Variants in IFT140 observed in about 807,000 individuals in gnomAD.
IFT140 encodes intraflagellar transport protein 140 homolog.
In IFT140, 133 loss-of-function variants were observed where a neutral mutation model predicts 164.6. The observed-to-expected ratio is 0.81, with a 90% CI of 0.70 to 0.93. The LOEUF is 0.93. IFT140 is among the 40% of genes least tolerant of loss of function. The pLI, the probability that IFT140 is intolerant of heterozygous loss-of-function variation, is 0.00. For synonymous variants in IFT140, 860 were observed against 817.3 expected (o/e 1.05, Z -0.89); for missense variants, 2,045 against 1,972.3 (o/e 1.04, Z -0.70).
chr16:1,595,233 C>A (rs192408810), intron 4 of IFT140, among the ~76,000 whole-genome samples: 2 of 151,726 alleles, frequency 1.3e-5, no homozygotes, highest in East Asian at 3.9e-4. Flanking sequence ...TGCAGTGAGC[C>A]GAGATGGCGC....
intron 19 of IFT140, among the ~76,000 whole-genome samples, chr16:1,549,097 G>A (rs1160066642): frequency 2.0e-5 from 3 of 152,318 alleles, no homozygotes; most frequent in East Asian, 3.9e-4. Flanking sequence ...CTAGGGCCGC[G>A]CAGGTTCATG....
At position 1,564,016 on chromosome 16, in the gene IFT140, T is replaced by C. The variant is rs757242365; in HGVS notation, c.2048A>G (p.Asp683Gly). The change falls in exon 17 of 31, where the codon GAT becomes GGT. Residue 683 changes from aspartate (D) to glycine (G), a missense_variant. Asp to Gly is a moderately conservative substitution (Grantham distance 94, BLOSUM62 -1). Transcript: ENST00000426508. The surrounding 1 kb of genome is among the most constrained non-coding windows in gnomAD (Gnocchi z 5.5). ...GCGTACCGCAGGGCCAGCGCGCCCA[T>C]CTTGGGGCTGCCCGTTTGCAGACTG... ...QPQSANGQPQDGRAGPAADVL... is the reference protein window; with the variant it reads ...QPQSANGQPQGGRAGPAADVL... 1 of 1,590,576 alleles carries C rather than the reference T, an allele frequency of 6.3e-7. No homozygotes were observed. Among genetic ancestry groups the C allele is most frequent in the Non-Finnish European group, 8.6e-7 (1 of 1,162,360 alleles).
intron 30 of IFT140, among the ~76,000 whole-genome samples, chr16:1,512,465 G>A (rs1297461601): frequency 2.0e-5 from 3 of 152,160 alleles, no homozygotes; most frequent in African/African-American, 7.2e-5. Flanking sequence ...GCGCTTCCCA[G>A]TTTCTTTTTT....
At chr16:1,604,610 G>A (rs551587827) in intron 3 of IFT140, 1 of 152,648 alleles carries the variant, frequency 6.6e-6, no homozygotes, top group Admixed American at 6.5e-5. Context: ...TTCCATCTGT[G>A]ATGCCAAGAC....
intron 18 of IFT140, among the ~76,000 whole-genome samples, chr16:1,561,591 A>G (rs1814549517): frequency 6.6e-6 from 1 of 152,228 alleles, no homozygotes; most frequent in Non-Finnish European, 1.5e-5. Context: ...CCTACAGTGA[A>G]TATAGAAATG....
Position 1,523,916 on chromosome 16 carries a change from A to G in IFT140, c.3182T>C (p.Leu1061Pro), listed in dbSNP as rs750422324. Residue 1061 changes from leucine (L) to proline (P), a missense_variant, in exon 25 of 31, where the codon CTG (leucine) becomes CCG (proline). Transcript: ENST00000426508. ...CTCGATCATGTCCTCGGGGGAGCTC[A>G]GCAGGGCCAAGTTCATGAGCTGGTC... ...LDDQLMNLAL[L>P]SSPEDMIEAA... The G allele has an allele frequency of 2.5e-6, 4 of 1,613,358 alleles. No individual in the cohort carries two copies. The South Asian group carries it at 4.4e-5, about 18-fold the overall frequency.
chr16:1,511,217 C>T, intron 30 of IFT140, 67 bp from the exon 31 acceptor site: 1 of 1,450,296 alleles, frequency 6.9e-7, no homozygotes, highest in Non-Finnish European at 9.5e-7. Flanking sequence ...TGCCTGCAGG[C>T]CAGGCACGTG....
intron 17 of IFT140, among the ~76,000 whole-genome samples, chr16:1,563,649 G>T (rs1419908234): frequency 6.6e-6 from 1 of 152,048 alleles, no homozygotes; most frequent in Non-Finnish European, 1.5e-5. Flanking sequence ...CCTAGCAATG[G>T]CAAATCCATA....
intron 30 of IFT140, among the ~76,000 whole-genome samples, chr16:1,512,110 G>A (rs895221242): frequency 1.6e-4 from 24 of 146,310 alleles, no homozygotes; most frequent in Non-Finnish European, 3.2e-4. Context: ...TGCGGAGGGC[G>A]GGTGAGGGGT....
At position 1,538,071 on chromosome 16, in the gene IFT140, G is replaced by A. The variant is rs150202333; in HGVS notation, c.2400-11275C>T. ...CACACAGGCAGCACCCCAGGAACCC[G>A]TATAACACCCAAGCAGTGAACGCCA... On this transcript the variant is annotated intron_variant, in intron 19 of 30. Transcript: ENST00000426508. 6.9e-3 allele frequency among the ~76,000 whole-genome samples: 1,055 copies of A among 152,282 alleles called. 7 individuals are homozygous for A. The highest frequency in any genetic ancestry group is 0.024 in the African/African-American group (1,003 of 41,544).
intron 30 of IFT140, 68 bp from the exon 31 acceptor site, chr16:1,511,218 C>G: frequency 1.4e-6 from 2 of 1,452,708 alleles, no homozygotes; most frequent in Non-Finnish European, 1.9e-6. Flanking sequence ...GCCTGCAGGC[C>G]AGGCACGTGC....
chr16:1,517,365 A>T (rs1567319707), intron 30 of IFT140, among the ~76,000 whole-genome samples: 1 of 146,340 alleles, frequency 6.8e-6, no homozygotes, highest in African/African-American at 2.6e-5. Flanking sequence ...AAAAAAAAAA[A>T]AAGTACAATA....
Position 1,524,239 on chromosome 16 carries a change from C to A in IFT140, c.3142-283G>T. On this transcript the variant is annotated intron_variant, in intron 24 of 30. Transcript: ENST00000426508. ...GTTGGGACATTTGTGTGGTGCAGAA[C>A]GCCCAACAGCTATCTAGGAAGGGTC... 6.6e-6 allele frequency: 4 copies of A among 603,004 alleles called. No individual in the cohort carries two copies. In the South Asian group the frequency reaches 8.3e-5, roughly 13 times the overall value. 37.4% of individuals were successfully genotyped at this position (603,004 alleles called of 1,614,324 possible). A position where few individuals can be genotyped will look rare whatever the true frequency, so the allele number is the denominator to read the frequency against.
chr16:1,580,935 C>T (rs748585903), intron 12 of IFT140, 85 bp from the exon 13 acceptor site: 5 of 861,848 alleles, frequency 5.8e-6, no homozygotes, highest in Non-Finnish European at 7.8e-6. Context: ...ACACACGATC[C>T]CTAATTAATC....
chr16:1,511,413 G>T (rs935607192), intron 30 of IFT140, among the ~76,000 whole-genome samples: 12 of 152,368 alleles, frequency 7.9e-5, no homozygotes, highest in African/African-American at 2.9e-4. Flanking sequence ...TGCAGAGCCA[G>T]GGCCCTGGAA....
chr16:1,576,141 C>A (rs2034261941), intron 13 of IFT140, among the ~76,000 whole-genome samples: 1 of 151,828 alleles, frequency 6.6e-6, no homozygotes, highest in South Asian at 2.1e-4. Flanking sequence ...CAAAAACTAG[C>A]CAGGTGTGGT....
rs766214145 is a variant in IFT140, at chr16:1,524,592, G to A, written c.3101C>T (p.Thr1034Ile). ...EEVGQAVHFY[T>I]RAQAFKNAIR... The stretch of plus-strand genomic sequence containing the variant: ...GGCATTCTTGAAGGCCTGTGCCCGG[G>A]TGTAGAAGTGCACCGCCTGCCCGAC... Residue 1034 changes from threonine (T) to isoleucine (I), a missense_variant, in exon 24 of 31, where the codon ACC becomes ATC. Thr to Ile is a moderately conservative substitution (Grantham distance 89, BLOSUM62 -1). Transcript: ENST00000426508. 1.9e-6 allele frequency: 3 copies of A among 1,609,026 alleles called. No homozygotes were observed. Among genetic ancestry groups the A allele is most frequent in the Non-Finnish European group, 8.5e-7 (1 of 1,176,846 alleles).
chr16:1,511,208 G>A, intron 30 of IFT140, 58 bp from the exon 31 acceptor site: 1 of 1,479,976 alleles, frequency 6.8e-7, no homozygotes. Flanking sequence ...ACGACCCTCT[G>A]CCTGCAGGCC....
At chr16:1,541,794 A>G (rs1040006557) in intron 19 of IFT140, 20 of 1,176,164 alleles carry the variant, frequency 1.7e-5, no homozygotes, top group Admixed American at 5.0e-5. Context: ...CCACTGCCCA[A>G]TGGAGGCACA....
Sources: allele counts gnomAD v4.1 joint callset (sites outside exome capture counted in the v4.1 genomes callset), GRCh38; gene constraint gnomAD v4.1.1; non-coding constraint Gnocchi (gnomAD v3.1); transcripts MANE v1.5; gene names NCBI Gene and HGNC (gene_info 2026-07-23, HGNC 2026-07-21).